Variants in ROCK2 observed in about 807,000 individuals in gnomAD.
ROCK2 encodes the protein rho-associated protein kinase 2.
Under a neutral mutation model 195.1 loss-of-function variants are expected in ROCK2, and 61 were observed. The ratio of observed to expected loss-of-function variants is 0.31; its 90% CI spans 0.25 to 0.39. The LOEUF is 0.39. ROCK2 is among the 10% of genes least tolerant of loss of function. ROCK2 has a pLI of 1.00. For synonymous variants in ROCK2, 504 were observed against 545.5 expected (o/e 0.92, Z 1.06); for missense variants, 1,109 against 1,637.4 (o/e 0.68, Z 5.57).
intron 1 of ROCK2, among the ~76,000 whole-genome samples, chr2:11,303,778 C>T (rs755024880): frequency 7.2e-5 from 11 of 152,266 alleles, no homozygotes; most frequent in South Asian, 2.1e-4. Flanking sequence ...TAACAGCCAT[C>T]ATCACACTCC....
intron 1 of ROCK2, among the ~76,000 whole-genome samples, chr2:11,326,287 A>T (rs1472229784): frequency 6.6e-6 from 1 of 152,206 alleles, no homozygotes; most frequent in African/African-American, 2.4e-5. Context: ...GCAGCAAAGG[A>T]GCCTAAGGAG....
intron 1 of ROCK2, among the ~76,000 whole-genome samples, chr2:11,291,925 C>T (rs1391730166): frequency 2.0e-5 from 3 of 152,078 alleles, no homozygotes; most frequent in Admixed American, 1.3e-4. Flanking sequence ...AAATCAAGAC[C>T]ATCATGGCAT....
chr2:11,297,700 T>C (rs1163041394), intron 1 of ROCK2, among the ~76,000 whole-genome samples: 1 of 152,202 alleles, frequency 6.6e-6, no homozygotes, highest in Admixed American at 6.5e-5. Context: ...CTATTCTAAA[T>C]ACATGTTGTT....
chr2:11,297,477 T>C (rs1667571751), intron 1 of ROCK2, among the ~76,000 whole-genome samples: 1 of 152,132 alleles, frequency 6.6e-6, no homozygotes. Flanking sequence ...TAGCTCCATA[T>C]CTCTACTAAA....
In ROCK2 at chr2:11,344,196, C is replaced by G. The variant is rs1223093635; in HGVS notation, c.-60G>C. 2 of 1,355,866 alleles carry G rather than the reference C, an allele frequency of 1.5e-6. No individual in the cohort carries two copies. Among genetic ancestry groups the G allele is most frequent in the African/African-American group, 3.1e-5 (2 of 64,712 alleles). 84.0% of individuals were successfully genotyped at this position (1,355,866 alleles called of 1,614,324 possible). On this transcript the variant is annotated 5_prime_UTR_variant, in exon 1 of 33. Coordinates refer to ENST00000315872, the MANE Select transcript of ROCK2 (RefSeq NM_004850.5). This position sits in a 1 kb window ranked among gnomAD's most constrained non-coding sequence, Gnocchi z 5.4. ...CGCTCAGGTCCCGCAGCCTCGGGGC[C>G]TAGCACCGCCCCCGAACCACCAGCT...
rs1201946000 is a variant in ROCK2 at position 11,344,346 on chromosome 2, G to A, written c.-210C>T. 1.1e-5 allele frequency: 13 copies of A among 1,186,372 alleles called. No individual in the cohort carries two copies. Among genetic ancestry groups the A allele is most frequent in the African/African-American group, 1.6e-5 (1 of 62,770 alleles). The allele number at this position is 1,186,372 out of a possible 1,614,324, so 73.5% of individuals were successfully genotyped here. A position where few individuals can be genotyped will look rare whatever the true frequency, so the allele number is the denominator to read the frequency against. On this transcript the variant is annotated 5_prime_UTR_variant, in exon 1 of 33. Coordinates refer to ENST00000315872, the MANE Select transcript of ROCK2 (RefSeq NM_004850.5). The surrounding 1 kb of genome is among the most constrained non-coding windows in gnomAD (Gnocchi z 5.4). ...GGCCCAGCCCGGCCCAGCCCGGCCC[G>A]GCCCTGCCGGGAGCGGCGGGGAACA... is the stretch of plus-strand genomic sequence containing the variant.
intron 1 of ROCK2, among the ~76,000 whole-genome samples, chr2:11,317,581 TATATA>T (rs1558388093): frequency 9.1e-5 from 1 of 10,978 alleles, no homozygotes; most frequent in African/African-American, 3.3e-4. Context: ...CACATTTATA[TATATA>T]TATATATATA....
rs750849969 is a variant in ROCK2, at chr2:11,221,372, G to T, written c.1100-15C>A. The T allele has an allele frequency of 3.3e-6, 5 of 1,512,940 alleles. No homozygotes were observed. The highest frequency in any genetic ancestry group is 4.4e-6 in the Non-Finnish European group (5 of 1,141,280). 93.7% of individuals were successfully genotyped at this position (1,512,940 alleles called of 1,614,324 possible). A position where few individuals can be genotyped will look rare whatever the true frequency, so the allele number is the denominator to read the frequency against. ...AGGAGCTGCCGCTATTAAAAGAAAA[G>T]AAATAAATTATTTCATTCACAACCA... On this transcript the variant is annotated splice_polypyrimidine_tract_variant and intron_variant, in intron 8 of 32. Coordinates refer to ENST00000315872, the MANE Select transcript of ROCK2 (RefSeq NM_004850.5).
At chr2:11,260,611 A>T (rs1666194371) in intron 3 of ROCK2, among the ~76,000 whole-genome samples, 1 of 152,246 alleles carries the variant, frequency 6.6e-6, no homozygotes, top group Non-Finnish European at 1.5e-5. Context: ...GCCAATTTTA[A>T]TTTATACAGT....
chr2:11,229,252 C>G (rs1427302978), intron 5 of ROCK2, among the ~76,000 whole-genome samples: 1 of 152,022 alleles, frequency 6.6e-6, no homozygotes, highest in African/African-American at 2.4e-5. Flanking sequence ...GGATAGCATA[C>G]TGAAGTTTTT....
At chr2:11,316,423 C>T (rs1668194094) in intron 1 of ROCK2, among the ~76,000 whole-genome samples, 1 of 152,120 alleles carries the variant, frequency 6.6e-6, no homozygotes, top group Non-Finnish European at 1.5e-5. Flanking sequence ...ACAAGTTCTA[C>T]AGCATAGAGA....
chr2:11,227,224 T>C lies in ROCK2; in HGVS notation c.868+30A>G, dbSNP rs780874423. ...GAAATAAAGTATTATAAGAAGCATT[T>C]TGAAAAAAGAAGTTAAAATATTTAC... On this transcript the variant is annotated intron_variant, in intron 6 of 32. Coordinates refer to ENST00000315872, the MANE Select transcript of ROCK2 (RefSeq NM_004850.5). The C allele has an allele frequency of 3.8e-6, 6 of 1,579,736 alleles. No individual in the cohort carries two copies. The South Asian group carries it at 6.9e-5, about 18-fold the overall frequency.
intron 3 of ROCK2, among the ~76,000 whole-genome samples, chr2:11,285,202 C>T (rs998232417): frequency 6.8e-6 from 1 of 146,978 alleles, no homozygotes; most frequent in Non-Finnish European, 1.5e-5. Context: ...GTGGAGGTTA[C>T]GGTGAGCCGA....
chr2:11,292,389 TTGTCATACCTACATTAGTAGGCAC>T (rs1667389791), intron 1 of ROCK2, among the ~76,000 whole-genome samples: 1 of 152,150 alleles, frequency 6.6e-6, no homozygotes, highest in South Asian at 2.1e-4. Context: ...GTTAATACTA[TTGTCATACCTACATTAGTAGGCAC>T]AGAAACTGAA....
Position 11,309,443 on chromosome 2 carries a change from T to C in ROCK2, c.142-21707A>G, listed in dbSNP as rs182730735. Among the ~76,000 whole-genome samples, 49 of 152,298 alleles carry C rather than the reference T, an allele frequency of 3.2e-4. No individual in the cohort carries two copies. The East Asian group carries it at 8.7e-3, about 27-fold the overall frequency. On this transcript the variant is annotated intron_variant, in intron 1 of 32. Transcript: ENST00000315872. ...ACAAAATAAAGATGGTTTGATTTAA[T>C]TGAGCTTATACACGACTCCCACCCA... is the stretch of plus-strand genomic sequence containing the variant.
At position 11,215,100 on chromosome 2, in the gene ROCK2, C is replaced by T. The variant is rs763990332; in HGVS notation, c.1690-14G>A. 30 of 1,612,756 alleles carry T rather than the reference C, an allele frequency of 1.9e-5. No homozygotes were observed. The highest frequency in any genetic ancestry group is 2.5e-5 in the Non-Finnish European group (30 of 1,179,240). ...GGTTTCATCCAGCTGTTATTCCATTCAAAACCAAACAACAACAAACAAACA... is the reference window on the plus strand; with the variant it reads ...GGTTTCATCCAGCTGTTATTCCATTTAAAACCAAACAACAACAAACAAACA... On this transcript the variant is annotated splice_polypyrimidine_tract_variant and intron_variant, in intron 15 of 32. Coordinates refer to ENST00000315872, the MANE Select transcript of ROCK2 (RefSeq NM_004850.5).
At position 11,197,801 on chromosome 2, in the gene ROCK2, C is replaced by T. The variant is rs1375685167; in HGVS notation, c.3100-96G>A. ...TCAAGAGCAACAAGTTATACAATCA[C>T]AAATACTCTCCTTCCCTACATACAG... is the stretch of plus-strand genomic sequence containing the variant. On this transcript the variant is annotated intron_variant, in intron 25 of 32. Transcript: ENST00000315872. This position sits in a 1 kb window ranked among gnomAD's most constrained non-coding sequence, Gnocchi z 4.9. 1 of 736,726 alleles carries T rather than the reference C, an allele frequency of 1.4e-6. No homozygotes were observed. Among genetic ancestry groups the T allele is most frequent in the African/African-American group, 1.8e-5 (1 of 54,560 alleles). The allele number at this position is 736,726 out of a possible 1,614,324, so 45.6% of individuals were successfully genotyped here. A position where few individuals can be genotyped will look rare whatever the true frequency, so the allele number is the denominator to read the frequency against.
At chr2:11,312,936 A>C (rs1260010646) in intron 1 of ROCK2, among the ~76,000 whole-genome samples, 17 of 152,148 alleles carry the variant, frequency 1.1e-4, no homozygotes. Flanking sequence ...TAGAGATAGC[A>C]AAAAGCTCAG....
At chr2:11,238,889 T>C (rs1572287911) in intron 4 of ROCK2, among the ~76,000 whole-genome samples, 2 of 151,948 alleles carry the variant, frequency 1.3e-5, no homozygotes, top group East Asian at 1.9e-4. Context: ...CACAGTTGTA[T>C]AGAACTGAGA....
Sources: gnomAD v4.1 joint callset for allele counts (sites outside exome capture counted in the v4.1 genomes callset) on GRCh38, gnomAD v4.1.1 for gene constraint, Gnocchi (gnomAD v3.1) non-coding constraint, MANE v1.5 for transcripts, NCBI Gene and HGNC (gene_info 2026-07-23, HGNC 2026-07-21) for gene names.